GPR137C: variants seen among roughly 807,000 people sequenced by gnomAD.
GPR137C encodes the protein integral membrane protein GPR137C.
GPR137C carries 27 observed loss-of-function variants against 43.4 expected under a neutral mutation model. The observed-to-expected ratio is 0.62, with a 90% CI of 0.46 to 0.86. The LOEUF (loss-of-function observed/expected upper bound fraction) is 0.86. Among genes scored for constraint, GPR137C ranks in the 40% least tolerant of loss-of-function variants. GPR137C has a pLI of 0.00. For synonymous variants in GPR137C, 285 were observed against 226.9 expected, an observed-to-expected ratio of 1.26 and a Z score of -2.30; for missense variants, 522 against 534.6, an observed-to-expected ratio of 0.98 and a Z score of 0.23.
At chr14:52,593,528 G>C (rs62090468) in intron 1 of GPR137C, among the ~76,000 whole-genome samples, 276 of 152,298 alleles carry the variant, frequency 1.8e-3, no homozygotes, top group African/African-American at 6.4e-3. Context: ...GATCTATTCA[G>C]AGATTCAACT....
At chr14:52,574,813 T>C (rs1021590961) in intron 1 of GPR137C, among the ~76,000 whole-genome samples, 7 of 152,212 alleles carry the variant, frequency 4.6e-5, no homozygotes, top group Non-Finnish European at 8.8e-5. Context: ...TCCCCCACCA[T>C]TATTAGATCT....
At chr14:52,620,813 A>G (rs1245811137) in intron 3 of GPR137C, among the ~76,000 whole-genome samples, 1 of 151,984 alleles carries the variant, frequency 6.6e-6, no homozygotes, top group Non-Finnish European at 1.5e-5. Context: ...ACAGCAGCAT[A>G]TTGGAGATGA....
rs1334994118 is a variant in GPR137C, at chr14:52,637,245, T to G, written c.*2130T>G. 2.0e-5 allele frequency: 3 copies of G among 152,102 alleles called. No homozygotes were observed. The highest frequency in any genetic ancestry group is 4.4e-5 in the Non-Finnish European group (3 of 67,990). 9.4% of individuals were successfully genotyped at this position (152,102 alleles called of 1,614,324 possible). On this transcript the variant is annotated 3_prime_UTR_variant, in exon 7 of 7. Coordinates refer to ENST00000321662, the MANE Select transcript of GPR137C (RefSeq NM_001099652.2). ...AATAAAGATACACTCTGGCCCAATC[T>G]TTGCTTAAAAATTCCAAAGCACTAG...
chr14:52,606,623 A>G (rs1290275406), intron 3 of GPR137C, among the ~76,000 whole-genome samples: 1 of 152,044 alleles, frequency 6.6e-6, no homozygotes, highest in Non-Finnish European at 1.5e-5. Context: ...TTTTTTGTAG[A>G]CAGAATCTAT....
intron 1 of GPR137C, among the ~76,000 whole-genome samples, chr14:52,563,852 C>A (rs1258546985): frequency 6.6e-6 from 1 of 152,168 alleles, no homozygotes; most frequent in Non-Finnish European, 1.5e-5. Context: ...AATGCCTGGT[C>A]CAGGCTACTA....
At position 52,600,350 on chromosome 14, in the gene GPR137C, A is replaced by C. The variant is rs763111122; in HGVS notation, c.717+9A>C. Reference sequence around the variant, plus strand: ...TCTACCTCGAATCAAAGGTAAGAATATTTCTTAAATTGGCACTTGAAAATC... The same window carrying C: ...TCTACCTCGAATCAAAGGTAAGAATCTTTCTTAAATTGGCACTTGAAAATC... On this transcript the variant is annotated intron_variant, in intron 3 of 6. Transcript: ENST00000321662. 6.2e-6 allele frequency: 9 copies of C among 1,447,232 alleles called. No individual in the cohort carries two copies. Among genetic ancestry groups the C allele is most frequent in the Non-Finnish European group, 9.6e-7 (1 of 1,043,714 alleles). The allele number at this position is 1,447,232 out of a possible 1,614,324, so 89.6% of individuals were successfully genotyped here.
chr14:52,553,474 C>G lies in GPR137C; in HGVS notation c.327C>G (p.Ser109=), dbSNP rs934105267. ...CCGCCGCCTTCTCGCTCAGCGGCTC[C>G]CTGCCCTTGCTCCGGCCGCCCGCTC... ...LFSAAFSLSG[S]LPLLRPPAHL... is the part of the protein sequence containing the mutation. The change falls in exon 1 of 7, where the codon TCC becomes TCG. Residue 109 remains serine, a synonymous_variant. Coordinates refer to ENST00000321662, the MANE Select transcript of GPR137C (RefSeq NM_001099652.2). The G allele has an allele frequency of 6.2e-7, 1 of 1,608,828 alleles. No individual in the cohort carries two copies.
At chr14:52,610,053 C>T (rs1033586676) in intron 3 of GPR137C, among the ~76,000 whole-genome samples, 4 of 152,178 alleles carry the variant, frequency 2.6e-5, no homozygotes, top group Admixed American at 2.0e-4. Context: ...GCATTTTCTA[C>T]AGGTACCTAT....
Position 52,603,608 on chromosome 14 carries a change from C to T in GPR137C, c.717+3267C>T, listed in dbSNP as rs115088068. Among the ~76,000 whole-genome samples the T allele has an allele frequency of 7.7e-3, 1,177 of 152,198 alleles. 17 individuals carry two copies. Among genetic ancestry groups the T allele is most frequent in the African/African-American group, 0.027 (1,118 of 41,522 alleles). ...GAGTACAAGTGGCGCACTCTTGGTT[C>T]GCTGCAACTTCTGCCTCCCAGGTTC... is the stretch of plus-strand genomic sequence containing the variant. On this transcript the variant is annotated intron_variant, in intron 3 of 6. Coordinates refer to ENST00000321662, the MANE Select transcript of GPR137C (RefSeq NM_001099652.2).
intron 1 of GPR137C, among the ~76,000 whole-genome samples, chr14:52,576,070 A>G (rs2038546572): frequency 6.6e-6 from 1 of 152,174 alleles, no homozygotes; most frequent in Non-Finnish European, 1.5e-5. Flanking sequence ...AACTGATACT[A>G]TGTGGCCCAA....
intron 1 of GPR137C, among the ~76,000 whole-genome samples, chr14:52,589,337 A>G (rs1319424592): frequency 1.3e-5 from 2 of 152,202 alleles, no homozygotes; most frequent in Non-Finnish European, 2.9e-5. Flanking sequence ...TTGTGAATGT[A>G]CTTAATGCCA....
intron 3 of GPR137C, among the ~76,000 whole-genome samples, chr14:52,611,232 A>G (rs2039035210): frequency 6.6e-6 from 1 of 151,992 alleles, no homozygotes; most frequent in Non-Finnish European, 1.5e-5. Context: ...TCACATTTCT[A>G]TATGTATAAA....
At chr14:52,568,674 C>A (rs1003220237) in intron 1 of GPR137C, among the ~76,000 whole-genome samples, 1 of 152,206 alleles carries the variant, frequency 6.6e-6, no homozygotes, top group Admixed American at 6.5e-5. Context: ...AACAAAGCCA[C>A]CTGGAAGTTA....
chr14:52,590,988 C>T (rs1594793600), intron 1 of GPR137C, among the ~76,000 whole-genome samples: 2 of 150,272 alleles, frequency 1.3e-5, no homozygotes, highest in African/African-American at 4.9e-5. Flanking sequence ...CCCAGCCCCC[C>T]ACCCCCTTAT....
chr14:52,621,356 GA>G (rs1264258211), intron 3 of GPR137C, among the ~76,000 whole-genome samples: 1 of 151,442 alleles, frequency 6.6e-6, no homozygotes, highest in Non-Finnish European at 1.5e-5. Context: ...AACATTTCCA[GA>G]AAAAAGAAAA....
At chr14:52,605,489 T>TA (rs1165327424) in intron 3 of GPR137C, among the ~76,000 whole-genome samples, 2 of 152,222 alleles carry the variant, frequency 1.3e-5, no homozygotes, top group Non-Finnish European at 2.9e-5. Flanking sequence ...ATATAATCTG[T>TA]AACAAGGATT....
At chr14:52,557,322 G>A (rs1474026745) in intron 1 of GPR137C, among the ~76,000 whole-genome samples, 2 of 152,166 alleles carry the variant, frequency 1.3e-5, no homozygotes, top group Non-Finnish European at 2.9e-5. Flanking sequence ...ATTATGTATT[G>A]TCTGGAATCT....
chr14:52,583,362 A>G (rs554213847), intron 1 of GPR137C, among the ~76,000 whole-genome samples: 5 of 152,216 alleles, frequency 3.3e-5, no homozygotes, highest in African/African-American at 1.2e-4. Flanking sequence ...ATTGTGTTTA[A>G]GCCTACTATA....
Position 52,635,160 on chromosome 14 carries a change from G to A in GPR137C, c.*45G>A, listed in dbSNP as rs754725690. ...TTCTTGAGTTGTTTTTCATAAATGT[G>A]TATATTCAATGTGTTTAAATTCCAT... On this transcript the variant is annotated 3_prime_UTR_variant, in exon 7 of 7. Transcript: ENST00000321662. 23 of 1,427,162 alleles carry A rather than the reference G, an allele frequency of 1.6e-5. No homozygotes were observed. The highest frequency in any genetic ancestry group is 1.9e-5 in the Non-Finnish European group (20 of 1,063,512). The allele number at this position is 1,427,162 out of a possible 1,614,324, so 88.4% of individuals were successfully genotyped here.
Sources: gnomAD v4.1 joint callset for allele counts (sites outside exome capture counted in the v4.1 genomes callset) on GRCh38, gnomAD v4.1.1 for gene constraint, MANE v1.5 for transcripts, NCBI Gene and HGNC (gene_info 2026-07-23, HGNC 2026-07-21) for gene names.